Variants in ADAM12 observed in about 807,000 individuals in gnomAD.
ADAM12 encodes ADAM metallopeptidase domain 12.
In ADAM12, 70 loss-of-function variants were observed where a neutral mutation model predicts 106.4. The ratio of observed to expected loss-of-function variants is 0.66; its 90% CI spans 0.54 to 0.80. The LOEUF (loss-of-function observed/expected upper bound fraction) is 0.80. Among genes scored for constraint, ADAM12 ranks in the 30% least tolerant of loss-of-function variants. The pLI is 0.00. For synonymous variants in ADAM12, 420 were observed against 433.5 expected, an observed-to-expected ratio of 0.97 and a Z score of 0.39; for missense variants, 1,010 against 1,171.9, an observed-to-expected ratio of 0.86 and a Z score of 2.02.
At position 126,096,325 on chromosome 10, in the gene ADAM12, A is replaced by G. The variant is rs142381271; in HGVS notation, c.996+2091T>C. Among the ~76,000 whole-genome samples the G allele has an allele frequency of 5.2e-3, 796 of 152,344 alleles. 12 individuals are homozygous for G. Among genetic ancestry groups the G allele is most frequent in the African/African-American group, 0.019 (774 of 41,582 alleles). On this transcript the variant is annotated intron_variant, in intron 10 of 22. Coordinates refer to ENST00000448723, the MANE Select transcript of ADAM12 (RefSeq NM_001288973.2). ...TTTTACATTCTTTCATGCATCAATG[A>G]TTATAAACAGAATGTCTCTTAAAAG...
intron 3 of ADAM12, among the ~76,000 whole-genome samples, chr10:126,245,527 T>A (rs1404989593): frequency 1.3e-4 from 19 of 152,000 alleles, no homozygotes; most frequent in Admixed American, 1.2e-3. Context: ...AGGTCGGGGC[T>A]AGAGGCACTG....
At position 126,198,413 on chromosome 10, in the gene ADAM12, A is replaced by C. The variant is rs1398933900; in HGVS notation, c.261-43108T>G. Among the ~76,000 whole-genome samples, 10 of 152,324 alleles carry C rather than the reference A, an allele frequency of 6.6e-5. No homozygotes were observed. In the East Asian group the frequency reaches 1.9e-3, roughly 29 times the overall value. On this transcript the variant is annotated intron_variant, in intron 3 of 22. Coordinates refer to ENST00000448723, the MANE Select transcript of ADAM12 (RefSeq NM_001288973.2). The stretch of plus-strand genomic sequence containing the variant: ...GCAAGTCTCATCACCCACATGCTGG[A>C]TTTGTCTCCAGCTCCTGGAGCCATT...
intron 3 of ADAM12, among the ~76,000 whole-genome samples, chr10:126,155,863 T>C (rs1956806524): frequency 6.6e-6 from 1 of 152,172 alleles, no homozygotes; most frequent in African/African-American, 2.4e-5. Flanking sequence ...AAAGCAGCAA[T>C]GTATGTATGA....
chr10:126,266,481 G>A (rs577613718), intron 3 of ADAM12, among the ~76,000 whole-genome samples: 59 of 152,294 alleles, frequency 3.9e-4, no homozygotes, highest in Non-Finnish European at 7.1e-4. Flanking sequence ...AGACAGAAGC[G>A]GCCAGGGTGA....
At chr10:126,349,025 A>T (rs571051411) in intron 1 of ADAM12, among the ~76,000 whole-genome samples, 33 of 152,380 alleles carry the variant, frequency 2.2e-4, no homozygotes, top group South Asian at 1.0e-3. Context: ...CTTAGGAAAC[A>T]TGTTCTAGTT....
intron 2 of ADAM12, among the ~76,000 whole-genome samples, chr10:126,323,424 C>A (rs1163587743): frequency 6.6e-6 from 1 of 152,202 alleles, no homozygotes; most frequent in African/African-American, 2.4e-5. Context: ...AAGAAGGTAG[C>A]ATTCTATCAG....
intron 4 of ADAM12, among the ~76,000 whole-genome samples, chr10:126,152,833 G>A (rs1554976709): frequency 6.6e-6 from 1 of 152,084 alleles, no homozygotes. Flanking sequence ...ACTTAAAATT[G>A]CAGGACACAC....
rs1854872909 is a variant in ADAM12, at chr10:126,340,151, C to T, written c.89-9642G>A. Among the ~76,000 whole-genome samples the T allele has an allele frequency of 2.0e-5, 3 of 152,144 alleles. No homozygotes were observed. In the South Asian group the frequency reaches 6.2e-4, roughly 31 times the overall value. ...TACAGGCATGAGCCACAGTGCCCAGCCCCGTTCTAGGGCTTTTAAGCAGGC... is the reference window on the plus strand; with the variant it reads ...TACAGGCATGAGCCACAGTGCCCAGTCCCGTTCTAGGGCTTTTAAGCAGGC... On this transcript the variant is annotated intron_variant, in intron 1 of 22. Coordinates refer to ENST00000448723, the MANE Select transcript of ADAM12 (RefSeq NM_001288973.2).
chr10:126,333,414 C>A (rs569139229), intron 1 of ADAM12, among the ~76,000 whole-genome samples: 1 of 152,210 alleles, frequency 6.6e-6, no homozygotes, highest in Non-Finnish European at 1.5e-5. Context: ...GCCTCAGATG[C>A]CTGGAGGAAG....
intron 3 of ADAM12, among the ~76,000 whole-genome samples, chr10:126,266,497 G>A (rs1301148552): frequency 1.3e-5 from 2 of 152,194 alleles, no homozygotes; most frequent in Non-Finnish European, 1.5e-5. Context: ...GGTGAGGAGG[G>A]AGATAATGCA....
At chr10:126,094,395 A>C (rs185493721) in intron 10 of ADAM12, among the ~76,000 whole-genome samples, 1 of 152,336 alleles carries the variant, frequency 6.6e-6, no homozygotes, top group Admixed American at 6.5e-5. Flanking sequence ...ATGTTTTTAC[A>C]TGACATCTTC....
At chr10:126,114,398 G>A (rs146362969) in intron 6 of ADAM12, among the ~76,000 whole-genome samples, 7 of 152,298 alleles carry the variant, frequency 4.6e-5, no homozygotes, top group African/African-American at 1.7e-4. Context: ...TGGAAAACTG[G>A]AGCCTCCACT....
intron 1 of ADAM12, among the ~76,000 whole-genome samples, chr10:126,378,647 T>C (rs77742058): frequency 0.013 from 1,923 of 152,146 alleles, 46 homozygotes; most frequent in African/African-American, 0.044. Flanking sequence ...TGAGATAAAA[T>C]AGTCTGAATG....
At chr10:126,111,426 G>T (rs1955866138) in intron 6 of ADAM12, among the ~76,000 whole-genome samples, 1 of 152,082 alleles carries the variant, frequency 6.6e-6, no homozygotes, top group South Asian at 2.1e-4. Flanking sequence ...ATTGAGGCGT[G>T]AAAGAGGCAG....
intron 3 of ADAM12, among the ~76,000 whole-genome samples, chr10:126,231,464 A>T (rs1005581766): frequency 6.6e-6 from 1 of 151,882 alleles, no homozygotes; most frequent in Non-Finnish European, 1.5e-5. Context: ...CCCTTAAAGC[A>T]AAACTGCCAC....
intron 14 of ADAM12, among the ~76,000 whole-genome samples, chr10:126,051,212 G>A (rs1224107364): frequency 6.6e-6 from 1 of 152,154 alleles, no homozygotes. Flanking sequence ...TCAAAGTACT[G>A]GGATCTGATT....
At chr10:126,178,378 T>A (rs1214513163) in intron 3 of ADAM12, among the ~76,000 whole-genome samples, 1 of 151,414 alleles carries the variant, frequency 6.6e-6, no homozygotes, top group Non-Finnish European at 1.5e-5. Flanking sequence ...ATTTCCTTTT[T>A]GGCTTACCTT....
intron 1 of ADAM12, among the ~76,000 whole-genome samples, chr10:126,331,085 T>A (rs1854494625): frequency 6.6e-6 from 1 of 152,258 alleles, no homozygotes. Context: ...AATAAACTAT[T>A]ATATGATCTT....
chr10:126,050,002 GGCTGGCTGGC>G (rs1288323439), intron 14 of ADAM12, among the ~76,000 whole-genome samples: 1 of 36,030 alleles, frequency 2.8e-5, no homozygotes, highest in Admixed American at 3.2e-4. Context: ...CTGGCTGGCT[GGCTGGCTGGC>G]TGGCTGGCTG....
Sources: allele counts gnomAD v4.1 joint callset (sites outside exome capture counted in the v4.1 genomes callset), GRCh38; gene constraint gnomAD v4.1.1; transcripts MANE v1.5; gene names NCBI Gene and HGNC (gene_info 2026-07-23, HGNC 2026-07-21).